Variants in PDLIM5 observed in about 807,000 individuals in gnomAD.
PDLIM5 encodes the protein PDZ and LIM domain protein 5.
Under a neutral mutation model 64.2 loss-of-function variants are expected in PDLIM5, and 34 were observed. The ratio of observed to expected loss-of-function variants is 0.53; its 90% CI spans 0.40 to 0.71. The LOEUF is 0.71. Ranked by LOEUF, PDLIM5 falls within the 30% of genes least tolerant of loss-of-function variation. PDLIM5 has a pLI of 0.00. For synonymous variants in PDLIM5, 253 were observed against 269.1 expected, an observed-to-expected ratio of 0.94 and a Z score of 0.59; for missense variants, 683 against 733.6, an observed-to-expected ratio of 0.93 and a Z score of 0.80.
chr4:94,575,767 C>G lies in PDLIM5; in HGVS notation c.443C>G (p.Ser148Cys), dbSNP rs370647247. 3.7e-5 allele frequency: 60 copies of G among 1,614,062 alleles called. No homozygotes were observed. Among genetic ancestry groups the G allele is most frequent in the Non-Finnish European group, 5.0e-5 (59 of 1,180,026 alleles). The change falls in exon 5 of 13, where the codon TCT becomes TGT. Residue 148 changes from serine to cysteine, a missense_variant. Physicochemically the swap from Ser to Cys is moderately radical, Grantham distance 112. Coordinates refer to ENST00000317968, the MANE Select transcript of PDLIM5 (RefSeq NM_006457.5). ...GTCACATCCATCCCATCACCATCGT[C>G]TGCCTTCACCCCAGCCCATGCGACC... ...PKVTSIPSPS[S>C]AFTPAHATTS...
chr4:94,582,841 TTTCAAAA>T (rs1735845632), intron 5 of PDLIM5: 2 of 741,252 alleles, frequency 2.7e-6, no homozygotes, highest in Non-Finnish European at 4.6e-6. Context: ...TTATAAGAAT[TTTCAAAA>T]ATGTTAAGGA....
At chr4:94,480,392 G>A (rs1368878898) in intron 2 of PDLIM5, among the ~76,000 whole-genome samples, 13 of 152,174 alleles carry the variant, frequency 8.5e-5, no homozygotes, top group Admixed American at 7.9e-4. Flanking sequence ...TGGTAAAATC[G>A]GTTTTGGTAG....
intron 3 of PDLIM5, among the ~76,000 whole-genome samples, chr4:94,530,510 A>AATATATATATATATAT (rs36209951): frequency 2.7e-3 from 377 of 140,342 alleles, no homozygotes; most frequent in African/African-American, 4.3e-3. Flanking sequence ...GGAATCACAG[A>AATATATATATATATAT]ATATATATAT....
chr4:94,571,682 T>C (rs1178117860), intron 3 of PDLIM5, among the ~76,000 whole-genome samples: 5 of 152,232 alleles, frequency 3.3e-5, no homozygotes, highest in Non-Finnish European at 5.9e-5. Context: ...AAACATCCTT[T>C]AAAAATTATT....
chr4:94,545,331 T>C (rs1732214944), intron 3 of PDLIM5, among the ~76,000 whole-genome samples: 1 of 152,226 alleles, frequency 6.6e-6, no homozygotes, highest in Non-Finnish European at 1.5e-5. Flanking sequence ...TTGTTAACCA[T>C]GTACTCATAT....
intron 2 of PDLIM5, chr4:94,456,837 C>A: frequency 8.9e-7 from 1 of 1,126,986 alleles, no homozygotes. Context: ...TTATCAAGTG[C>A]TGTGAATGCA....
At chr4:94,636,182 A>G (rs1740542897) in intron 8 of PDLIM5, among the ~76,000 whole-genome samples, 2 of 152,118 alleles carry the variant, frequency 1.3e-5, no homozygotes, top group Admixed American at 6.5e-5. Flanking sequence ...TTTTACAATG[A>G]CTGATGGAGA....
At position 94,573,345 on chromosome 4, in the gene PDLIM5, C is replaced by T. The variant is rs182339387; in HGVS notation, c.249-6C>T. 2.5e-3 allele frequency: 4,066 copies of T among 1,599,530 alleles called. 7 individuals carry two copies. Among genetic ancestry groups the T allele is most frequent in the Non-Finnish European group, 3.2e-3 (3,747 of 1,174,214 alleles). On this transcript the variant is annotated splice_polypyrimidine_tract_variant and splice_region_variant and intron_variant, in intron 3 of 12. Coordinates refer to ENST00000317968, the MANE Select transcript of PDLIM5 (RefSeq NM_006457.5). Reference sequence around the variant, plus strand: ...TTTTTTTCTTTTTCTTTCTTTTTTTCCTCAGAGCATCTGCTGCACCCAAGC... The same window carrying T: ...TTTTTTTCTTTTTCTTTCTTTTTTTTCTCAGAGCATCTGCTGCACCCAAGC...
chr4:94,660,613 A>G (rs1742618223), intron 11 of PDLIM5, among the ~76,000 whole-genome samples: 2 of 152,314 alleles, frequency 1.3e-5, no homozygotes, highest in Non-Finnish European at 2.9e-5. Flanking sequence ...GAGGAAAGCA[A>G]CCTCAACTGT....
chr4:94,664,581 G>A lies in PDLIM5; in HGVS notation c.*514G>A. ...AATAGGTGTCAGTTTTTAAAAAATTGCTTGTAGGCTGAGCGCGGTGGCTCA... is the reference window on the plus strand; with the variant it reads ...AATAGGTGTCAGTTTTTAAAAAATTACTTGTAGGCTGAGCGCGGTGGCTCA... On this transcript the variant is annotated 3_prime_UTR_variant, in exon 13 of 13. Transcript: ENST00000317968. The A allele has an allele frequency of 1.2e-6, 1 of 865,854 alleles. No homozygotes were observed. The highest frequency in any genetic ancestry group is 1.4e-6 in the Non-Finnish European group (1 of 721,288). 53.6% of individuals were successfully genotyped at this position (865,854 alleles called of 1,614,324 possible).
intron 7 of PDLIM5, among the ~76,000 whole-genome samples, chr4:94,613,076 CTACA>C (rs1738505759): frequency 6.6e-6 from 1 of 151,920 alleles, no homozygotes; most frequent in African/African-American, 2.4e-5. Context: ...ATTACCCTCT[CTACA>C]TGTCCAGGTC....
At chr4:94,499,854 G>T (rs1727752879) in intron 2 of PDLIM5, among the ~76,000 whole-genome samples, 1 of 152,176 alleles carries the variant, frequency 6.6e-6, no homozygotes, top group African/African-American at 2.4e-5. Flanking sequence ...GCACGTGCAA[G>T]GGATCTGGGT....
chr4:94,474,375 C>T (rs1252836751), intron 2 of PDLIM5, among the ~76,000 whole-genome samples: 8 of 152,110 alleles, frequency 5.3e-5, no homozygotes, highest in African/African-American at 1.4e-4. Flanking sequence ...CTCAGCCTCC[C>T]GAGCGGCTGG....
chr4:94,634,788 C>T (rs1445400438), intron 8 of PDLIM5, among the ~76,000 whole-genome samples: 1 of 152,100 alleles, frequency 6.6e-6, no homozygotes, highest in Non-Finnish European at 1.5e-5. Context: ...ATTCTTAATC[C>T]GGTGAGAAAA....
chr4:94,513,949 C>G (rs1265734735), intron 2 of PDLIM5, among the ~76,000 whole-genome samples: 1 of 151,958 alleles, frequency 6.6e-6, no homozygotes, highest in East Asian at 1.9e-4. Flanking sequence ...TTGATTTTAT[C>G]AAATGCTTTT....
intron 5 of PDLIM5, chr4:94,577,338 T>G (rs957462752): frequency 2.2e-6 from 1 of 456,312 alleles, no homozygotes; most frequent in African/African-American, 2.0e-5. Context: ...ATGGCAACTT[T>G]GGGGCTTTGA....
chr4:94,618,301 T>C, intron 8 of PDLIM5, 110 bp downstream of exon 8: 1 of 639,466 alleles, frequency 1.6e-6, no homozygotes, highest in Non-Finnish European at 2.6e-6. Flanking sequence ...CTCAATAACC[T>C]AAGATTTAGA....
chr4:94,558,970 G>T (rs1395170877), intron 3 of PDLIM5, among the ~76,000 whole-genome samples: 3 of 151,974 alleles, frequency 2.0e-5, no homozygotes, highest in Non-Finnish European at 4.4e-5. Context: ...AGTTATAGCA[G>T]TCATAAATTT....
At chr4:94,585,511 A>T in intron 5 of PDLIM5, 54 bp from the exon 6 acceptor site, 1 of 1,031,030 alleles carries the variant, frequency 9.7e-7, no homozygotes. Flanking sequence ...AAGATATTTT[A>T]TCCTTTTAAT....
Sources: allele counts gnomAD v4.1 joint callset (sites outside exome capture counted in the v4.1 genomes callset), GRCh38; gene constraint gnomAD v4.1.1; transcripts MANE v1.5; gene names NCBI Gene and HGNC (gene_info 2026-07-23, HGNC 2026-07-21).